Variants in TBC1D22A observed in about 807,000 individuals in gnomAD.
TBC1D22A encodes the protein TBC1 domain family member 22A.
TBC1D22A carries 38 observed loss-of-function variants against 60.2 expected under a neutral mutation model. That is an observed-to-expected ratio of 0.63 (90% CI 0.49 to 0.83). The LOEUF is 0.83. TBC1D22A is among the 40% of genes least tolerant of loss of function. The pLI is 0.00. For missense variants in TBC1D22A, 628 were observed against 701.0 expected (o/e 0.90, Z 1.18); for synonymous variants, 302 against 281.7 (o/e 1.07, Z -0.72).
intron 11 of TBC1D22A, among the ~76,000 whole-genome samples, chr22:47,110,443 CCCTCCAG>C (rs2065806353): frequency 6.6e-6 from 1 of 152,166 alleles, no homozygotes; most frequent in Admixed American, 6.5e-5. Context: ...CACACTACTA[CCCTCCAG>C]CCTGGGCAAC....
chr22:46,799,286 A>G (rs550043426), intron 4 of TBC1D22A, among the ~76,000 whole-genome samples: 4 of 152,116 alleles, frequency 2.6e-5, no homozygotes, highest in Admixed American at 1.3e-4. Flanking sequence ...AGAATCACCA[A>G]TTGTTTACGT....
At chr22:46,770,265 G>A (rs935627065) in intron 1 of TBC1D22A, among the ~76,000 whole-genome samples, 2 of 152,192 alleles carry the variant, frequency 1.3e-5, no homozygotes, top group African/African-American at 4.8e-5. Context: ...TAACAGGAGA[G>A]CAAGGCCTTG....
chr22:46,767,291 G>A (rs2083321563), intron 1 of TBC1D22A, among the ~76,000 whole-genome samples: 1 of 152,168 alleles, frequency 6.6e-6, no homozygotes, highest in South Asian at 2.1e-4. Context: ...GTTACCTCTG[G>A]GGCCATCAGT....
In TBC1D22A at chr22:46,796,866, G is replaced by A. The variant is rs548071823; in HGVS notation, c.461-578G>A. Among the ~76,000 whole-genome samples, 22 of 152,292 alleles carry A rather than the reference G, an allele frequency of 1.4e-4. No homozygotes were observed. In the East Asian group the frequency reaches 4.3e-3, roughly 29 times the overall value. On this transcript the variant is annotated intron_variant, in intron 3 of 12. Coordinates refer to ENST00000337137, the MANE Select transcript of TBC1D22A (RefSeq NM_014346.5). The stretch of plus-strand genomic sequence containing the variant: ...TTCCTTGGGATGAGGGTCCCTGTGG[G>A]ACCTTCCTCCCAGGGCACTGGTGAG...
In TBC1D22A at chr22:46,792,549, C is replaced by T; in HGVS notation, c.92C>T (p.Pro31Leu). The change falls in exon 2 of 13, where the codon CCC becomes CTC. Residue 31 changes from proline to leucine, a missense_variant. Coordinates refer to ENST00000337137, the MANE Select transcript of TBC1D22A (RefSeq NM_014346.5). Reference protein sequence around the residue: ...SIQHVYGAQHPPFDPLLHGTL... With the variant: ...SIQHVYGAQHLPFDPLLHGTL... ...CAGCACGTGTATGGTGCCCAGCACC[C>T]CCCCTTTGATCCACTGTTACATGGC... is the stretch of plus-strand genomic sequence containing the variant. 6.2e-7 allele frequency: 1 copy of T among 1,614,240 alleles called. No individual in the cohort carries two copies. Among genetic ancestry groups the T allele is most frequent in the Non-Finnish European group, 8.5e-7 (1 of 1,180,046 alleles).
chr22:46,785,671 T>C (rs1164281186), intron 1 of TBC1D22A, among the ~76,000 whole-genome samples: 2 of 152,248 alleles, frequency 1.3e-5, no homozygotes, highest in South Asian at 4.1e-4. Flanking sequence ...TTGTCTATTC[T>C]AGGGATTTCA....
intron 10 of TBC1D22A, among the ~76,000 whole-genome samples, chr22:47,033,303 G>C (rs2062544427): frequency 6.6e-6 from 1 of 152,216 alleles, no homozygotes; most frequent in South Asian, 2.1e-4. Flanking sequence ...AAATGATTCT[G>C]TAAGTTCTTT....
chr22:46,940,517 T>C (rs1863029278), intron 8 of TBC1D22A, among the ~76,000 whole-genome samples: 1 of 148,256 alleles, frequency 6.7e-6, no homozygotes, highest in South Asian at 2.1e-4. Context: ...TTGAACAGCA[T>C]GGGGACTGGG....
At chr22:46,999,471 A>T (rs1337872399) in intron 10 of TBC1D22A, among the ~76,000 whole-genome samples, 2 of 152,168 alleles carry the variant, frequency 1.3e-5, no homozygotes, top group South Asian at 4.1e-4. Flanking sequence ...TCATGGCCTC[A>T]TAATAAGAAT....
At chr22:47,165,756 C>T (rs965221361) in intron 12 of TBC1D22A, among the ~76,000 whole-genome samples, 7 of 152,126 alleles carry the variant, frequency 4.6e-5, no homozygotes, top group Non-Finnish European at 8.8e-5. Context: ...TGCTGCTGCC[C>T]TGCCCCCCGG....
chr22:46,799,130 C>T (rs1321054115), intron 4 of TBC1D22A, among the ~76,000 whole-genome samples: 2 of 152,078 alleles, frequency 1.3e-5, no homozygotes, highest in Admixed American at 6.5e-5. Context: ...CCAGCCCCCA[C>T]CTTCCCTTCC....
intron 4 of TBC1D22A, among the ~76,000 whole-genome samples, chr22:46,846,503 C>T (rs890053463): frequency 2.0e-5 from 3 of 152,164 alleles, no homozygotes; most frequent in East Asian, 1.9e-4. Context: ...GGGAAATGGA[C>T]GGAGTTTTCC....
intron 8 of TBC1D22A, among the ~76,000 whole-genome samples, chr22:46,925,016 G>A (rs1425476348): frequency 3.3e-5 from 5 of 152,184 alleles, no homozygotes; most frequent in Admixed American, 1.3e-4. Flanking sequence ...TTCCATTATC[G>A]GAGTATTGAT....
rs2083741507 is a variant in TBC1D22A, at chr22:46,777,195, A to G, written c.62+14347A>G. Among the ~76,000 whole-genome samples the G allele has an allele frequency of 6.6e-6, 1 of 152,074 alleles. No individual in the cohort carries two copies. The highest frequency in any genetic ancestry group is 6.6e-5 in the Admixed American group (1 of 15,262). ...TGGTCACAGGAGATACATGGTCAGA[A>G]TGAGAGAAAATGGAGCCCCGATTTA... On this transcript the variant is annotated intron_variant, in intron 1 of 12. Coordinates refer to ENST00000337137, the MANE Select transcript of TBC1D22A (RefSeq NM_014346.5). The surrounding 1 kb of genome is among the most constrained non-coding windows in gnomAD (Gnocchi z 4.5).
At chr22:46,764,610 G>C (rs1209813118) in intron 1 of TBC1D22A, among the ~76,000 whole-genome samples, 1 of 152,162 alleles carries the variant, frequency 6.6e-6, no homozygotes, top group Non-Finnish European at 1.5e-5. Flanking sequence ...TTTGGAAATA[G>C]GGTTTTTGCA....
At chr22:47,017,874 G>A (rs969352544) in intron 10 of TBC1D22A, among the ~76,000 whole-genome samples, 12 of 152,196 alleles carry the variant, frequency 7.9e-5, no homozygotes, top group African/African-American at 2.9e-4. Context: ...TATTTAAAAG[G>A]TTTGGAGCTC....
At chr22:46,904,867 C>T (rs5767393) in intron 7 of TBC1D22A, among the ~76,000 whole-genome samples, 38,340 of 151,240 alleles carry the variant, frequency 0.25, 5,366 homozygotes, top group East Asian at 0.61. Flanking sequence ...CTCCACCTCC[C>T]GGGTTCGCGC....
chr22:47,143,726 C>T (rs1209309942), intron 12 of TBC1D22A, among the ~76,000 whole-genome samples: 1 of 152,216 alleles, frequency 6.6e-6, no homozygotes, highest in Non-Finnish European at 1.5e-5. Context: ...CTGCATGCAT[C>T]GCGTGTACCC....
intron 11 of TBC1D22A, among the ~76,000 whole-genome samples, chr22:47,052,162 G>T (rs1002306542): frequency 3.3e-5 from 5 of 152,254 alleles, no homozygotes; most frequent in Admixed American, 3.3e-4. Context: ...AGGGAAGCCA[G>T]TTCTGGAGTT....
Sources: gnomAD v4.1 joint callset for allele counts (sites outside exome capture counted in the v4.1 genomes callset) on GRCh38, gnomAD v4.1.1 for gene constraint, Gnocchi (gnomAD v3.1) non-coding constraint, MANE v1.5 for transcripts, NCBI Gene and HGNC (gene_info 2026-07-23, HGNC 2026-07-21) for gene names.